The following FLT1 variants were observed in gnomAD, a reference collection of about 807,000 sequenced individuals.
FLT1 encodes the protein fms related receptor tyrosine kinase 1, also known as vascular endothelial growth factor receptor 1.
In FLT1, 49 loss-of-function variants were observed where a neutral mutation model predicts 156.3. The ratio of observed to expected loss-of-function variants is 0.31; its 90% CI spans 0.25 to 0.40. The LOEUF (loss-of-function observed/expected upper bound fraction) is 0.40, where lower values mean the gene tolerates loss of function less well. Ranked by LOEUF, FLT1 falls within the 10% of genes least tolerant of loss-of-function variation. The probability of loss-of-function intolerance (pLI) is 1.00; values close to 1 mark genes in which losing one functional copy is unlikely to be tolerated. For synonymous variants in FLT1, 594 were observed against 583.8 expected (o/e 1.02, Z -0.25); for missense variants, 1,322 against 1,637.2 (o/e 0.81, Z 3.32).
chr13:28,481,591 T>A (rs1233006212), intron 1 of FLT1, among the ~76,000 whole-genome samples: 1 of 152,228 alleles, frequency 6.6e-6, no homozygotes, highest in Non-Finnish European at 1.5e-5. Context: ...CCAGTATTTA[T>A]TGAGTGACCA....
At chr13:28,375,817 C>A (rs541825718) in intron 14 of FLT1, among the ~76,000 whole-genome samples, 61 of 152,332 alleles carry the variant, frequency 4.0e-4, no homozygotes, top group African/African-American at 1.5e-3. Context: ...TGCGCACACC[C>A]TGGATATCTT....
chr13:28,382,498 G>A (rs1180885483), intron 14 of FLT1, among the ~76,000 whole-genome samples: 1 of 152,188 alleles, frequency 6.6e-6, no homozygotes, highest in Non-Finnish European at 1.5e-5. Context: ...TGAAGAGTTG[G>A]AGCCGGTGGA....
intron 3 of FLT1, among the ~76,000 whole-genome samples, 160 bp from the exon 4 acceptor site, chr13:28,438,505 T>C (rs1251792910): frequency 3.3e-5 from 5 of 152,260 alleles, no homozygotes; most frequent in Non-Finnish European, 5.9e-5. Flanking sequence ...TTTGGCCCTC[T>C]GTGTTTCTAC....
chr13:28,327,756 C>CAAAAAAAAAAAAAAAA (rs56031277), intron 19 of FLT1, among the ~76,000 whole-genome samples: 6 of 122,794 alleles, frequency 4.9e-5, no homozygotes, highest in African/African-American at 1.6e-4. Context: ...AATTGAAATA[C>CAAAAAAAAAAAAAAAA]AAAAAAAAAA....
chr13:28,356,831 A>G (rs1382948794), intron 15 of FLT1, among the ~76,000 whole-genome samples: 1 of 152,212 alleles, frequency 6.6e-6, no homozygotes, highest in Non-Finnish European at 1.5e-5. Context: ...CTGATATTTT[A>G]TGATGTTGTA....
At chr13:28,345,677 A>G in intron 15 of FLT1, 126 bp from the exon 16 acceptor site, 1 of 703,598 alleles carries the variant, frequency 1.4e-6, no homozygotes, top group African/African-American at 1.8e-5. Flanking sequence ...ATCTGCTGCC[A>G]CAAAATCAGT....
At chr13:28,317,722 A>G (rs2138822833) in intron 24 of FLT1, 125 bp from the exon 25 acceptor site, 1 of 713,800 alleles carries the variant, frequency 1.4e-6, no homozygotes, top group Admixed American at 2.0e-5. Context: ...ATTCCCAGGG[A>G]TTACAACAGA....
chr13:28,485,027 C>T (rs1266018944), intron 1 of FLT1, among the ~76,000 whole-genome samples: 3 of 151,628 alleles, frequency 2.0e-5, no homozygotes, highest in Non-Finnish European at 2.9e-5. Context: ...CACATGTATA[C>T]GTATGTAACT....
chr13:28,317,548 G>A lies in FLT1; in HGVS notation c.3336C>T (p.Arg1112=). The A allele has an allele frequency of 1.9e-6, 3 of 1,614,056 alleles. No individual in the cohort carries two copies. Among genetic ancestry groups the A allele is most frequent in the South Asian group, 1.1e-5 (1 of 91,074 alleles). Residue 1112 remains arginine (R), a synonymous_variant, in exon 25 of 30, where the codon CGC becomes CGT. Coordinates refer to ENST00000282397, the MANE Select transcript of FLT1 (RefSeq NM_002019.4). ...CTCTCATCCTCATGCCTTCCCTCAG[G>A]CGACTGCAAAAGTCCTCATCCATTT... ...GVQMDEDFCS[R]LREGMRMRAP... is the part of the protein sequence containing the mutation.
chr13:28,376,406 C>T (rs1873841540), intron 14 of FLT1, among the ~76,000 whole-genome samples: 1 of 152,204 alleles, frequency 6.6e-6, no homozygotes, highest in Non-Finnish European at 1.5e-5. Flanking sequence ...AAATGTTTTG[C>T]TATCATAAAA....
chr13:28,349,845 A>G (rs1872686992), intron 15 of FLT1, among the ~76,000 whole-genome samples: 1 of 152,216 alleles, frequency 6.6e-6, no homozygotes, highest in Admixed American at 6.5e-5. Context: ...ATTTATCGGG[A>G]AGGAAAGATC....
rs777429596 is a variant in FLT1 at position 28,434,154 on chromosome 13, T to A, written c.580A>T (p.Ile194Leu). The A allele has an allele frequency of 2.5e-6, 4 of 1,614,128 alleles. No homozygotes were observed. Among genetic ancestry groups the A allele is most frequent in the Admixed American group, 1.7e-5 (1 of 60,018 alleles). Reference protein sequence around the residue: ...IIWDSRKGFIISNATYKEIGL... With the variant: ...IIWDSRKGFILSNATYKEIGL... ...ATTTCTTTGTACGTTGCATTTGATATGATGAAGCCCTTTCTACTGTCCCAG... is the reference window on the plus strand; with the variant it reads ...ATTTCTTTGTACGTTGCATTTGATAAGATGAAGCCCTTTCTACTGTCCCAG... The change falls in exon 5 of 30, where the codon ATA becomes TTA. Residue 194 changes from isoleucine (I) to leucine (L), a missense_variant. Around this residue, in one of 3 missense-constraint regions of FLT1, gnomAD observed 991 missense variants for 1,254.8 expected, o/e 0.79. Transcript: ENST00000282397.
At chr13:28,327,406 G>C (rs1871729484) in intron 20 of FLT1, 56 bp downstream of exon 20, 7 of 1,038,204 alleles carry the variant, frequency 6.7e-6, no homozygotes, top group Non-Finnish European at 1.1e-5. Flanking sequence ...TGTTGTTACA[G>C]ACTAAATGAA....
Position 28,308,835 on chromosome 13 carries a change from C to G in FLT1, c.3720+8G>C. ...GGGTGCACTAGGTACCTTAACTTCA[C>G]GACTTACATCAAACATGGAGGTGGC... On this transcript the variant is annotated splice_region_variant and intron_variant, in intron 28 of 29. Coordinates refer to ENST00000282397, the MANE Select transcript of FLT1 (RefSeq NM_002019.4). 6.3e-7 allele frequency: 1 copy of G among 1,593,340 alleles called. No homozygotes were observed. The highest frequency in any genetic ancestry group is 8.6e-7 in the Non-Finnish European group (1 of 1,161,080).
chr13:28,356,315 G>A (rs1872898777), intron 15 of FLT1, among the ~76,000 whole-genome samples: 1 of 152,200 alleles, frequency 6.6e-6, no homozygotes, highest in South Asian at 2.1e-4. Context: ...ATTCCTGAGG[G>A]CTATATGTCT....
chr13:28,428,473 C>CAG (rs960736299), intron 8 of FLT1, among the ~76,000 whole-genome samples: 3 of 130,428 alleles, frequency 2.3e-5, no homozygotes, highest in African/African-American at 9.5e-5. Context: ...AGTTAAGGCA[C>CAG]AGAAAAAAAA....
At chr13:28,397,820 T>G (rs1875156448) in intron 11 of FLT1, among the ~76,000 whole-genome samples, 3 of 150,742 alleles carry the variant, frequency 2.0e-5, no homozygotes, top group Non-Finnish European at 4.4e-5. Context: ...CTTAATAAAT[T>G]AAGTATCTAT....
Position 28,303,270 on chromosome 13 carries a change from C to CGCTT in FLT1, c.3910_3913dup (p.Arg1305GlnfsTer10). Reference sequence around the variant, plus strand: ...CTCAGCGTGGTCGTAGGTGAACCTGCGCTTGCCTTCGCTGACGTGCCCACA... The same window carrying CGCTT: ...CTCAGCGTGGTCGTAGGTGAACCTGCGCTTGCTTGCCTTCGCTGACGTGCCCACA... On this transcript the variant is annotated frameshift_variant, in exon 30 of 30. Coordinates refer to ENST00000282397, the MANE Select transcript of FLT1 (RefSeq NM_002019.4). LOFTEE classifies it high-confidence loss of function. The CGCTT allele has an allele frequency of 6.2e-7, 1 of 1,613,998 alleles. No homozygotes were observed. The highest frequency in any genetic ancestry group is 8.5e-7 in the Non-Finnish European group (1 of 1,180,006).
intron 10 of FLT1, 152 bp downstream of exon 10, chr13:28,427,007 C>T: frequency 1.4e-6 from 1 of 732,328 alleles, no homozygotes. Flanking sequence ...AGAAGAGTAG[C>T]TGTTGCCCAC....
Sources: gnomAD v4.1 joint callset for allele counts (sites outside exome capture counted in the v4.1 genomes callset) on GRCh38, gnomAD v4.1.1 for gene constraint, gnomAD v4.1.1 regional missense constraint, MANE v1.5 for transcripts, NCBI Gene and HGNC (gene_info 2026-07-23, HGNC 2026-07-21) for gene names.